Variants in PATJ observed in about 807,000 individuals in gnomAD.
PATJ encodes inaD-like protein.
In PATJ, 190 loss-of-function variants were observed where a neutral mutation model predicts 224.9. That is an observed-to-expected ratio of 0.84 (90% confidence interval 0.75 to 0.95). The LOEUF (loss-of-function observed/expected upper bound fraction) is 0.95, where lower values mean the gene tolerates loss of function less well. Among genes scored for constraint, PATJ ranks in the 40% least tolerant of loss-of-function variants. The pLI is 0.00. For synonymous variants in PATJ, 769 were observed against 820.3 expected, an observed-to-expected ratio of 0.94 and a Z score of 1.07; for missense variants, 2,121 against 2,270.3, an observed-to-expected ratio of 0.93 and a Z score of 1.34.
At chr1:61,938,512 T>G (rs1677242836) in intron 27 of PATJ, among the ~76,000 whole-genome samples, 1 of 152,098 alleles carries the variant, frequency 6.6e-6, no homozygotes, top group Non-Finnish European at 1.5e-5. Context: ...AATCTGCACA[T>G]GTACCCCCTG....
chr1:62,096,457 G>A (rs7515943), intron 33 of PATJ, among the ~76,000 whole-genome samples: 1,788 of 152,196 alleles, frequency 0.012, 33 homozygotes, highest in African/African-American at 0.04. Context: ...GCATTCACAT[G>A]GTCCTTTGAG....
chr1:62,151,096 G>A (rs987052495), intron 42 of PATJ, among the ~76,000 whole-genome samples: 11 of 151,882 alleles, frequency 7.2e-5, no homozygotes, highest in Admixed American at 4.6e-4. Flanking sequence ...CCAAGATCAC[G>A]CCATTGCACT....
At chr1:62,138,464 T>A (rs865883425) in intron 41 of PATJ, among the ~76,000 whole-genome samples, 1 of 152,140 alleles carries the variant, frequency 6.6e-6, no homozygotes, top group Middle Eastern at 3.4e-3. Flanking sequence ...TGTGCCACCA[T>A]GCCCAGCTAA....
intron 14 of PATJ, among the ~76,000 whole-genome samples, chr1:61,820,081 G>A (rs545451163): frequency 2.1e-4 from 32 of 151,784 alleles, no homozygotes; most frequent in East Asian, 1.7e-3. Flanking sequence ...TCGCTCTGTC[G>A]CCCAGGCTGG....
chr1:62,003,084 A>G (rs1645885943), intron 28 of PATJ, among the ~76,000 whole-genome samples: 1 of 152,200 alleles, frequency 6.6e-6, no homozygotes, highest in Non-Finnish European at 1.5e-5. Flanking sequence ...TCAATGTCCT[A>G]GGAAACCACT....
chr1:61,921,784 A>T (rs1242992986), intron 26 of PATJ, among the ~76,000 whole-genome samples: 1 of 152,204 alleles, frequency 6.6e-6, no homozygotes, highest in Non-Finnish European at 1.5e-5. Flanking sequence ...ATGAGGTGTC[A>T]GGGGAAGAGG....
intron 14 of PATJ, among the ~76,000 whole-genome samples, chr1:61,814,661 G>T (rs967244847): frequency 1.3e-5 from 2 of 151,878 alleles, no homozygotes; most frequent in African/African-American, 4.8e-5. Context: ...AATGTCCATA[G>T]AATTTTTCTT....
chr1:62,024,626 T>G (rs557297820), intron 29 of PATJ, among the ~76,000 whole-genome samples: 1 of 149,998 alleles, frequency 6.7e-6, no homozygotes, highest in Non-Finnish European at 1.5e-5. Flanking sequence ...AATTCCTGTT[T>G]CCTTGGGTAG....
intron 33 of PATJ, chr1:62,100,373 A>G: frequency 2.8e-6 from 2 of 718,462 alleles, no homozygotes; most frequent in Non-Finnish European, 5.2e-6. Flanking sequence ...GAGGGCCTTC[A>G]TGCTGCATCA....
At chr1:61,842,107 A>G (rs1028838687) in intron 17 of PATJ, among the ~76,000 whole-genome samples, 3 of 152,122 alleles carry the variant, frequency 2.0e-5, no homozygotes, top group Non-Finnish European at 2.9e-5. Flanking sequence ...TGCAGTTTGT[A>G]GTGTGCTCAG....
chr1:61,861,455 G>T (rs1033435230), intron 18 of PATJ, 96 bp from the exon 19 acceptor site: 7 of 607,232 alleles, frequency 1.2e-5, no homozygotes, highest in African/African-American at 2.0e-5. Context: ...TTTAAGCCCC[G>T]TGTGCATTAG....
rs2251182 is a variant in PATJ, at chr1:61,927,722, A to T, written c.3571-8A>T. On this transcript the variant is annotated splice_region_variant and splice_polypyrimidine_tract_variant and intron_variant, in intron 26 of 43. Coordinates refer to ENST00000642238, the MANE Select transcript of PATJ (RefSeq NM_001350145.3). ...ATTTAACCCTTCTCTCAAATTTTGC[A>T]TCTTCAGAGGCAAGGAACTGCTCCA... The T allele has an allele frequency of 6.3e-7, 1 of 1,597,794 alleles. No homozygotes were observed. Among genetic ancestry groups the T allele is most frequent in the East Asian group, 2.2e-5 (1 of 44,702 alleles).
rs143564442 is a variant in PATJ, at chr1:62,096,946, C to T, written c.4378-11491C>T. On this transcript the variant is annotated intron_variant, in intron 33 of 43. Transcript: ENST00000642238. ...ATAGATGTTTTATATACTAGATATG[C>T]CCCTTCAAACTTAGTATCTATGTTA... is the stretch of plus-strand genomic sequence containing the variant. Among the ~76,000 whole-genome samples, 197 of 152,212 alleles carry T rather than the reference C, an allele frequency of 1.3e-3. 1 individual carries two copies. The highest frequency in any genetic ancestry group is 1.6e-3 in the Non-Finnish European group (108 of 68,022).
At chr1:61,838,548 T>A (rs1570806517) in intron 17 of PATJ, among the ~76,000 whole-genome samples, 1 of 149,044 alleles carries the variant, frequency 6.7e-6, no homozygotes, top group East Asian at 2.0e-4. Flanking sequence ...TTTTTTGTAT[T>A]TTTAGTAGAG....
intron 42 of PATJ, among the ~76,000 whole-genome samples, chr1:62,151,607 A>AAACC (rs1476005981): frequency 6.6e-6 from 1 of 152,186 alleles, no homozygotes; most frequent in Non-Finnish European, 1.5e-5. Flanking sequence ...ATAAATAAAT[A>AAACC]AACCCAGCAA....
At chr1:61,794,197 C>T (rs181267103) in intron 9 of PATJ, among the ~76,000 whole-genome samples, 9 of 151,412 alleles carry the variant, frequency 5.9e-5, no homozygotes, top group African/African-American at 1.2e-4. Context: ...CCACTGTGCC[C>T]GGACTTTTTT....
chr1:61,828,472 C>T (rs944854971), intron 16 of PATJ, among the ~76,000 whole-genome samples: 1 of 151,288 alleles, frequency 6.6e-6, no homozygotes, highest in African/African-American at 2.4e-5. Flanking sequence ...TCACTGTAGC[C>T]TCGACCTTCT....
intron 28 of PATJ, among the ~76,000 whole-genome samples, chr1:61,998,564 A>G (rs1325868145): frequency 6.6e-6 from 1 of 152,184 alleles, no homozygotes; most frequent in Non-Finnish European, 1.5e-5. Context: ...GAATTAATTA[A>G]AAGCAGAATG....
In PATJ at chr1:61,742,898, G is replaced by GCCCCGCCT. The variant is rs1644835096; in HGVS notation, c.-36+348_-36+355dup. Among the ~76,000 whole-genome samples the GCCCCGCCT allele has an allele frequency of 4.6e-5, 7 of 151,922 alleles. No homozygotes were observed. In the South Asian group the frequency reaches 1.4e-3, roughly 31 times the overall value. On this transcript the variant is annotated intron_variant, in intron 1 of 43. Coordinates refer to ENST00000642238, the MANE Select transcript of PATJ (RefSeq NM_001350145.3). ...GAGGCCGCGGGCAGGGAGGGGCGCC[G>GCCCCGCCT]CCCCGCCTCCCCAGGCCTTTCGGGC...
Sources: allele counts gnomAD v4.1 joint callset (sites outside exome capture counted in the v4.1 genomes callset), GRCh38; gene constraint gnomAD v4.1.1; transcripts MANE v1.5; gene names NCBI Gene and HGNC (gene_info 2026-07-23, HGNC 2026-07-21).